The following WDR17 variants were observed in gnomAD, a reference collection of about 807,000 sequenced individuals.
WDR17 encodes the protein WD repeat-containing protein 17.
Under a neutral mutation model 161.7 loss-of-function variants are expected in WDR17, and 143 were observed. The observed-to-expected ratio is 0.88, with a 90% CI of 0.77 to 1.02. The LOEUF is 1.02. Ranked by LOEUF, WDR17 falls within the 50% of genes least tolerant of loss-of-function variation. The pLI, the probability that WDR17 is intolerant of heterozygous loss-of-function variation, is 0.00. For missense variants in WDR17, 1,469 were observed against 1,520.9 expected (o/e 0.97, Z 0.57); for synonymous variants, 517 against 515.6 (o/e 1.00, Z -0.04).
chr4:176,162,079 C>T lies in WDR17; in HGVS notation c.2755C>T (p.Leu919=). The T allele has an allele frequency of 1.9e-6, 3 of 1,611,174 alleles. No individual in the cohort carries two copies. The highest frequency in any genetic ancestry group is 2.5e-6 in the Non-Finnish European group (3 of 1,178,720). Residue 919 remains leucine (L), a synonymous_variant, in exon 21 of 29, where the codon CTG becomes TTG. Coordinates refer to ENST00000508596, the MANE Select transcript of WDR17 (RefSeq NM_181265.4). The part of the protein sequence containing the change: ...DIYKEDFNEL[L]HKVSKELAEW... ...TACACATTTTTTTCTTTCTAGACTC[C>T]TGCACAAAGTCAGTAAAGAACTGGC...
chr4:176,072,916 G>C (rs1377190301), intron 1 of WDR17, among the ~76,000 whole-genome samples: 1 of 151,976 alleles, frequency 6.6e-6, no homozygotes, highest in Non-Finnish European at 1.5e-5. Flanking sequence ...GACATTTTTA[G>C]GTACTTTTAT....
chr4:176,095,522 A>C (rs1010846409), intron 1 of WDR17, among the ~76,000 whole-genome samples: 1 of 152,156 alleles, frequency 6.6e-6, no homozygotes, highest in Non-Finnish European at 1.5e-5. Context: ...GTATCTTCCT[A>C]TGCCAGAACA....
rs1260455697 is a variant in WDR17 at position 176,072,562 on chromosome 4, CTCATTTAGAATTATGGATACAAGA to C, written c.-7+6484_-7+6507del. On this transcript the variant is annotated intron_variant, in intron 1 of 28. Coordinates refer to ENST00000508596, the MANE Select transcript of WDR17 (RefSeq NM_181265.4). ...GCTATCTATCACAATGAGAATAATG[CTCATTTAGAATTATGGATACAAGA>C]AGAGCTCAAGTTAGTGGGCCAATGG... Among the ~76,000 whole-genome samples the C allele has an allele frequency of 3.9e-5, 6 of 152,242 alleles. No homozygotes were observed. In the East Asian group the frequency reaches 7.7e-4, roughly 20 times the overall value.
At chr4:176,164,129 T>A (rs1486801736) in intron 22 of WDR17, among the ~76,000 whole-genome samples, 5 of 152,136 alleles carry the variant, frequency 3.3e-5, no homozygotes, top group African/African-American at 1.2e-4. Flanking sequence ...AATTAACACT[T>A]CTATACTGTT....
chr4:176,174,171 G>A (rs1751135875), intron 25 of WDR17, among the ~76,000 whole-genome samples: 1 of 151,996 alleles, frequency 6.6e-6, no homozygotes, highest in Non-Finnish European at 1.5e-5. Context: ...TACAAGAGAG[G>A]CTTTGGGCTC....
At chr4:176,172,766 C>G (rs953315285) in intron 24 of WDR17, among the ~76,000 whole-genome samples, 1 of 151,930 alleles carries the variant, frequency 6.6e-6, no homozygotes, top group African/African-American at 2.4e-5. Flanking sequence ...GGTGCAGGAG[C>G]AGGCATATCA....
At chr4:176,091,869 A>G (rs1474158394) in intron 1 of WDR17, among the ~76,000 whole-genome samples, 1 of 152,136 alleles carries the variant, frequency 6.6e-6, no homozygotes, top group Non-Finnish European at 1.5e-5. Flanking sequence ...AAAACCTAAA[A>G]GGACACGCAA....
chr4:176,165,838 C>T (rs1237148051), intron 22 of WDR17, among the ~76,000 whole-genome samples: 3 of 152,074 alleles, frequency 2.0e-5, no homozygotes, highest in African/African-American at 7.2e-5. Context: ...CTTGTAACGC[C>T]CCCATCCCAA....
rs1432610249 is a variant in WDR17 at position 176,137,532 on chromosome 4, G to A, written c.1280G>A (p.Cys427Tyr). The change falls in exon 9 of 29, where the codon TGT becomes TAT. Residue 427 changes from cysteine to tyrosine, a missense_variant. Cys to Tyr is a radical substitution (Grantham distance 194). Transcript: ENST00000508596. ...SLSWAPGGLN[C>Y]IAGGTSRNGA... ...ATTGTTTCCTAAGGTGGTTTAAATT[G>A]TATTGCTGGGGGAACTTCCCGAAAT... 1 of 1,602,126 alleles carries A rather than the reference G, an allele frequency of 6.2e-7. No individual in the cohort carries two copies. Among genetic ancestry groups the A allele is most frequent in the Admixed American group, 1.7e-5 (1 of 59,602 alleles).
rs1746388431 is a variant in WDR17 at position 176,147,578 on chromosome 4, T to C, written c.1695-555T>C. Among the ~76,000 whole-genome samples, 2 of 152,160 alleles carry C rather than the reference T, an allele frequency of 1.3e-5. 1 individual carries two copies. Among genetic ancestry groups the C allele is most frequent in the South Asian group, 4.1e-4 (2 of 4,828 alleles). Reference sequence around the variant, plus strand: ...CAGATAATACCCATCATCATACATGTTATACTTTTATAATTTACAAATCAT... The same window carrying C: ...CAGATAATACCCATCATCATACATGCTATACTTTTATAATTTACAAATCAT... On this transcript the variant is annotated intron_variant, in intron 12 of 28. Coordinates refer to ENST00000508596, the MANE Select transcript of WDR17 (RefSeq NM_181265.4).
At chr4:176,158,636 T>C (rs891475964) in intron 18 of WDR17, among the ~76,000 whole-genome samples, 1 of 152,180 alleles carries the variant, frequency 6.6e-6, no homozygotes, top group Non-Finnish European at 1.5e-5. Context: ...ATGGAGGTTA[T>C]TGTTGATCTT....
At chr4:176,094,338 G>A (rs1736524752) in intron 1 of WDR17, among the ~76,000 whole-genome samples, 2 of 151,878 alleles carry the variant, frequency 1.3e-5, no homozygotes, top group South Asian at 4.2e-4. Flanking sequence ...TTAAGGCTTG[G>A]TCTTTTGGGG....
At position 176,162,181 on chromosome 4, in the gene WDR17, C is replaced by G; in HGVS notation, c.2850+7C>G. On this transcript the variant is annotated splice_region_variant and intron_variant, in intron 21 of 28. Coordinates refer to ENST00000508596, the MANE Select transcript of WDR17 (RefSeq NM_181265.4). ...TGCCATAGATAATATTGAGGTACGA[C>G]ATTTAAAACTGGTTTATGTGAATGA... 1.2e-6 allele frequency: 2 copies of G among 1,609,356 alleles called. No individual in the cohort carries two copies. Among genetic ancestry groups the G allele is most frequent in the Non-Finnish European group, 1.7e-6 (2 of 1,177,884 alleles).
intron 12 of WDR17, among the ~76,000 whole-genome samples, chr4:176,146,587 A>C (rs1257231285): frequency 6.6e-6 from 1 of 152,132 alleles, no homozygotes; most frequent in Non-Finnish European, 1.5e-5. Flanking sequence ...AGTGGGGCCT[A>C]TAAAAGCCTT....
rs371249806 is a variant in WDR17 at position 176,116,583 on chromosome 4, T to A, written c.307+604T>A. On this transcript the variant is annotated intron_variant, in intron 3 of 28. Coordinates refer to ENST00000508596, the MANE Select transcript of WDR17 (RefSeq NM_181265.4). ...CAGTGTCACAATAATTAACTCTCTTTTTGAGCACCATATTTAGCTCAATTG... is the reference window on the plus strand; with the variant it reads ...CAGTGTCACAATAATTAACTCTCTTATTGAGCACCATATTTAGCTCAATTG... Among the ~76,000 whole-genome samples the A allele has an allele frequency of 4.6e-5, 7 of 152,034 alleles. No homozygotes were observed. The East Asian group carries it at 7.7e-4, about 17-fold the overall frequency.
intron 11 of WDR17, among the ~76,000 whole-genome samples, chr4:176,145,061 G>A (rs1197813173): frequency 6.6e-6 from 1 of 152,096 alleles, no homozygotes; most frequent in Non-Finnish European, 1.5e-5. Context: ...ATAAATATAA[G>A]TATTATAACC....
intron 1 of WDR17, among the ~76,000 whole-genome samples, chr4:176,097,742 TACACACACAC>T (rs35130339): frequency 1.5e-4 from 21 of 143,236 alleles, no homozygotes; most frequent in African/African-American, 5.2e-4. Context: ...CACACACACA[TACACACACAC>T]ACACACACAC....
At chr4:176,144,141 A>G (rs2126796636) in intron 11 of WDR17, among the ~76,000 whole-genome samples, 1 of 152,134 alleles carries the variant, frequency 6.6e-6, no homozygotes, top group African/African-American at 2.4e-5. Context: ...CCCACCTTAC[A>G]CCACACACCC....
chr4:176,107,819 CCCTT>C (rs796889501), intron 1 of WDR17, among the ~76,000 whole-genome samples: 6 of 150,088 alleles, frequency 4.0e-5, no homozygotes, highest in African/African-American at 9.8e-5. Flanking sequence ...TAGTGTTTTT[CCCTT>C]CCTTCCTTCC....
Sources: gnomAD v4.1 joint callset for allele counts (sites outside exome capture counted in the v4.1 genomes callset) on GRCh38, gnomAD v4.1.1 for gene constraint, MANE v1.5 for transcripts, NCBI Gene and HGNC (gene_info 2026-07-23, HGNC 2026-07-21) for gene names.